Variants in CDH4 observed in about 807,000 individuals in gnomAD.
CDH4 encodes cadherin-4.
In CDH4, 33 loss-of-function variants were observed where a neutral mutation model predicts 86.0. That is an observed-to-expected ratio of 0.38 (90% CI 0.29 to 0.51). CDH4 has a LOEUF of 0.51. CDH4 is among the 20% of genes least tolerant of loss of function. The pLI is 0.86. For missense variants in CDH4, 1,114 were observed against 1,307.4 expected (o/e 0.85, Z 2.28); for synonymous variants, 555 against 549.4 (o/e 1.01, Z -0.14).
intron 2 of CDH4, chr20:61,600,100 C>A: frequency 3.4e-6 from 1 of 295,560 alleles, no homozygotes; most frequent in Non-Finnish European, 5.0e-6. Context: ...AACCAGCTGG[C>A]TCCTCGGATG....
intron 2 of CDH4, among the ~76,000 whole-genome samples, chr20:61,488,611 C>T (rs1315182941): frequency 1.3e-5 from 2 of 151,944 alleles, no homozygotes; most frequent in Non-Finnish European, 2.9e-5. Flanking sequence ...TGACTGGTAT[C>T]AAGAGGACTG....
At chr20:61,383,567 A>G (rs1381322456) in intron 2 of CDH4, among the ~76,000 whole-genome samples, 1 of 53,250 alleles carries the variant, frequency 1.9e-5, no homozygotes, top group Non-Finnish European at 2.9e-5. Context: ...TATATGATAT[A>G]TGATATATAT....
intron 2 of CDH4, among the ~76,000 whole-genome samples, chr20:61,301,998 C>T (rs1033620371): frequency 1.3e-5 from 2 of 152,198 alleles, no homozygotes; most frequent in African/African-American, 2.4e-5. Context: ...TTGCCCAAAA[C>T]GTCTCCAGGT....
At position 61,377,733 on chromosome 20, in the gene CDH4, C is replaced by T. The variant is rs2145442492; in HGVS notation, c.169+122796C>T. Among the ~76,000 whole-genome samples, 1 of 152,362 alleles carries T rather than the reference C, an allele frequency of 6.6e-6. No homozygotes were observed. Among genetic ancestry groups the T allele is most frequent in the East Asian group, 1.9e-4 (1 of 5,186 alleles). Reference sequence around the variant, plus strand: ...TAACCACTGGCTCCAAGCAATTCTTCAGTGCTGTGTAAAGGGTACATTCCA... The same window carrying T: ...TAACCACTGGCTCCAAGCAATTCTTTAGTGCTGTGTAAAGGGTACATTCCA... On this transcript the variant is annotated intron_variant, in intron 2 of 15. Coordinates refer to ENST00000614565, the MANE Select transcript of CDH4 (RefSeq NM_001794.5). The surrounding 1 kb of genome is among the most constrained non-coding windows in gnomAD (Gnocchi z 4.0).
At chr20:61,254,794 A>G in intron 1 of CDH4, 32 bp from the exon 2 acceptor site, 1 of 1,297,320 alleles carries the variant, frequency 7.7e-7, no homozygotes, top group Non-Finnish European at 1.1e-6. Context: ...CTGTGAACTT[A>G]TTGTTTTACA....
chr20:61,798,392 C>T (rs1420143241), intron 4 of CDH4, among the ~76,000 whole-genome samples: 2 of 152,234 alleles, frequency 1.3e-5, no homozygotes, highest in African/African-American at 4.8e-5. Context: ...GGGTCCTCAG[C>T]CCGTCCGGAC....
At chr20:61,853,251 G>A (rs112466338) in intron 6 of CDH4, among the ~76,000 whole-genome samples, 52 of 152,164 alleles carry the variant, frequency 3.4e-4, no homozygotes, top group African/African-American at 1.2e-3. Context: ...AGCAGCTCCC[G>A]GAGTGGGACT....
At chr20:61,798,340 G>A (rs1979655587) in intron 4 of CDH4, among the ~76,000 whole-genome samples, 1 of 152,152 alleles carries the variant, frequency 6.6e-6, no homozygotes, top group Non-Finnish European at 1.5e-5. Context: ...CCTCTCCCTG[G>A]CCCCACGGGC....
At position 61,576,321 on chromosome 20, in the gene CDH4, G is replaced by C. The variant is rs549721172; in HGVS notation, c.170-167242G>C. Among the ~76,000 whole-genome samples the C allele has an allele frequency of 9.8e-5, 15 of 152,314 alleles. No individual in the cohort carries two copies. The South Asian group carries it at 2.3e-3, about 23-fold the overall frequency. ...TCTCTGTCATGATGCTTCCCCAGCTGATCGTGTTTGCAGCTGGCAGGTCAG... is the reference window on the plus strand; with the variant it reads ...TCTCTGTCATGATGCTTCCCCAGCTCATCGTGTTTGCAGCTGGCAGGTCAG... On this transcript the variant is annotated intron_variant, in intron 2 of 15. Transcript: ENST00000614565.
At chr20:61,724,614 C>T (rs993627554) in intron 2 of CDH4, among the ~76,000 whole-genome samples, 1 of 152,184 alleles carries the variant, frequency 6.6e-6, no homozygotes, top group Non-Finnish European at 1.5e-5. Flanking sequence ...GCCCCGACCC[C>T]GGGCTGTACT....
chr20:61,397,565 G>A (rs1017714570), intron 2 of CDH4, among the ~76,000 whole-genome samples: 18 of 151,786 alleles, frequency 1.2e-4, no homozygotes, highest in South Asian at 2.1e-4. Context: ...GCCCCATATC[G>A]CCCTTTGAAT....
chr20:61,670,285 C>T (rs1028345087), intron 2 of CDH4, among the ~76,000 whole-genome samples: 2 of 152,218 alleles, frequency 1.3e-5, no homozygotes, highest in Admixed American at 6.5e-5. Context: ...TCCCCAACAG[C>T]TTCTGACTTC....
At chr20:61,274,982 G>T (rs529277367) in intron 2 of CDH4, among the ~76,000 whole-genome samples, 6 of 148,818 alleles carry the variant, frequency 4.0e-5, no homozygotes, top group Non-Finnish European at 7.4e-5. Flanking sequence ...GCAGTTTGGG[G>T]GAGTACTATG....
intron 2 of CDH4, among the ~76,000 whole-genome samples, chr20:61,460,198 C>T (rs1244529940): frequency 6.6e-6 from 1 of 152,236 alleles, no homozygotes; most frequent in African/African-American, 2.4e-5. Context: ...ATAATAAACA[C>T]TGAATAGCCA....
At chr20:61,680,302 G>A (rs1167018735) in intron 2 of CDH4, among the ~76,000 whole-genome samples, 1 of 152,228 alleles carries the variant, frequency 6.6e-6, no homozygotes, top group African/African-American at 2.4e-5. Flanking sequence ...CGGGGAAGAA[G>A]CTGCTGTGGG....
intron 4 of CDH4, among the ~76,000 whole-genome samples, chr20:61,817,528 C>T (rs1001308578): frequency 3.9e-5 from 6 of 152,028 alleles, no homozygotes; most frequent in Admixed American, 3.9e-4. Context: ...TTTAAGAGAC[C>T]TCGTTCTATT....
At chr20:61,298,624 T>TG (rs1345902694) in intron 2 of CDH4, among the ~76,000 whole-genome samples, 28 of 151,846 alleles carry the variant, frequency 1.8e-4, no homozygotes, top group Non-Finnish European at 3.4e-4. Context: ...ACAATAACAT[T>TG]TTTTTTCTGA....
rs144987685 is a variant in CDH4 at position 61,456,868 on chromosome 20, A to G, written c.169+201931A>G. Among the ~76,000 whole-genome samples, 8 of 152,348 alleles carry G rather than the reference A, an allele frequency of 5.3e-5. No individual in the cohort carries two copies. In the East Asian group the frequency reaches 1.5e-3, roughly 29 times the overall value. ...AAATGCAGCAAAGCTTCTGAGAATAATAGGAGAACTTCTCCTGGGGGTGAG... is the reference window on the plus strand; with the variant it reads ...AAATGCAGCAAAGCTTCTGAGAATAGTAGGAGAACTTCTCCTGGGGGTGAG... On this transcript the variant is annotated intron_variant, in intron 2 of 15. Coordinates refer to ENST00000614565, the MANE Select transcript of CDH4 (RefSeq NM_001794.5).
chr20:61,306,552 G>A lies in CDH4; in HGVS notation c.169+51615G>A, dbSNP rs534598459. Among the ~76,000 whole-genome samples, 6 of 152,172 alleles carry A rather than the reference G, an allele frequency of 3.9e-5. No homozygotes were observed. In the South Asian group the frequency reaches 1.2e-3, roughly 32 times the overall value. ...GGGGTTTACCATCTTGGCCAGGCTGGTCTTACACTCCTGAACTTGTGATCC... is the reference window on the plus strand; with the variant it reads ...GGGGTTTACCATCTTGGCCAGGCTGATCTTACACTCCTGAACTTGTGATCC... On this transcript the variant is annotated intron_variant, in intron 2 of 15. Coordinates refer to ENST00000614565, the MANE Select transcript of CDH4 (RefSeq NM_001794.5).
Sources: gnomAD v4.1 joint callset for allele counts (sites outside exome capture counted in the v4.1 genomes callset) on GRCh38, gnomAD v4.1.1 for gene constraint, Gnocchi (gnomAD v3.1) non-coding constraint, MANE v1.5 for transcripts, NCBI Gene and HGNC (gene_info 2026-07-23, HGNC 2026-07-21) for gene names.